HEATR5B: variants seen among roughly 807,000 people sequenced by gnomAD.
The protein encoded by HEATR5B is HEAT repeat-containing protein 5B.
Under a neutral mutation model 224.1 loss-of-function variants are expected in HEATR5B, and 156 were observed. That is an observed-to-expected ratio of 0.70 (90% CI 0.61 to 0.80). HEATR5B has a LOEUF of 0.80. HEATR5B is among the 30% of genes least tolerant of loss of function. The pLI is 0.00. For synonymous variants in HEATR5B, 1,027 were observed against 893.0 expected (o/e 1.15, Z -2.68); for missense variants, 2,323 against 2,535.5 (o/e 0.92, Z 1.80).
intron 18 of HEATR5B, among the ~76,000 whole-genome samples, chr2:37,042,643 G>C (rs1328658698): frequency 2.0e-5 from 3 of 152,180 alleles, no homozygotes; most frequent in Non-Finnish European, 4.4e-5. Context: ...TGTAATCCCA[G>C]CATTTTGGGA....
At chr2:37,006,853 T>A (rs578159972) in intron 29 of HEATR5B, among the ~76,000 whole-genome samples, 197 bp downstream of exon 29, 1 of 152,332 alleles carries the variant, frequency 6.6e-6, no homozygotes, top group East Asian at 1.9e-4. Flanking sequence ...GACAGTTAAG[T>A]AGTTTCAGTA....
At chr2:37,008,485 C>G (rs1348647997) in intron 28 of HEATR5B, 126 bp downstream of exon 28, 3 of 701,046 alleles carry the variant, frequency 4.3e-6, no homozygotes, top group Non-Finnish European at 7.5e-6. Context: ...GAGACAACAT[C>G]AAACTTAAGC....
chr2:37,059,404 ATATGTGTGTG>A (rs1204016826), intron 12 of HEATR5B, among the ~76,000 whole-genome samples: 3 of 106,976 alleles, frequency 2.8e-5, no homozygotes, highest in African/African-American at 1.0e-4. Context: ...ATATATATGT[ATATGTGTGTG>A]TGTGTGTGTG....
chr2:37,024,473 A>C (rs939354669), intron 24 of HEATR5B, among the ~76,000 whole-genome samples: 3 of 152,250 alleles, frequency 2.0e-5, no homozygotes, highest in Non-Finnish European at 4.4e-5. Flanking sequence ...ATGTATGCAT[A>C]CTTCAAAACA....
At chr2:37,049,957 C>A (rs1670435250) in intron 17 of HEATR5B, 114 bp from the exon 18 acceptor site, 2 of 985,520 alleles carry the variant, frequency 2.0e-6, no homozygotes, top group Non-Finnish European at 2.8e-6. Context: ...ATGGCACAAT[C>A]ACTGCTCACT....
intron 9 of HEATR5B, 83 bp from the exon 10 acceptor site, chr2:37,065,073 C>T (rs1182903959): frequency 7.2e-7 from 1 of 1,381,840 alleles, no homozygotes; most frequent in Non-Finnish European, 1.0e-6. Context: ...AAAACAATAA[C>T]TGAAATGACA....
intron 18 of HEATR5B, among the ~76,000 whole-genome samples, chr2:37,041,849 A>G (rs1352788657): frequency 7.9e-5 from 12 of 151,624 alleles, no homozygotes; most frequent in Non-Finnish European, 1.5e-5. Flanking sequence ...CTCATTTTTA[A>G]TATTAATTAT....
rs1417909829 is a variant in HEATR5B, at chr2:37,013,922, A to T, written c.4203T>A (p.Ala1401=). 3.1e-6 allele frequency: 5 copies of T among 1,613,332 alleles called. No individual in the cohort carries two copies. In the South Asian group the frequency reaches 5.5e-5, roughly 18 times the overall value. ...ACAGCTGGCTGGAAGATCCTTTTCC[A>T]GCCTGAACTTTGTCCAGAGAAGAAA... ...LLVSSLDKVQ[A]GKGSSSQLYR... The change falls in exon 27 of 36, where the codon GCT becomes GCA. Residue 1401 remains alanine, a synonymous_variant. Coordinates refer to ENST00000233099, the MANE Select transcript of HEATR5B (RefSeq NM_019024.3).
chr2:37,008,609 A>C lies in HEATR5B; in HGVS notation c.4522+2T>G. 6.3e-7 allele frequency: 1 copy of C among 1,596,640 alleles called. No individual in the cohort carries two copies. Among genetic ancestry groups the C allele is most frequent in the Non-Finnish European group, 8.6e-7 (1 of 1,164,080 alleles). On this transcript the variant is annotated splice_donor_variant, in intron 28 of 35. Coordinates refer to ENST00000233099, the MANE Select transcript of HEATR5B (RefSeq NM_019024.3). LOFTEE classifies it high-confidence loss of function. ...AAGTAAAACTCAGAATGTAATACTC[A>C]CCATCTGGAGGAAGCTGACTAGAAA...
At chr2:37,041,107 TA>T in intron 19 of HEATR5B, 25 bp downstream of exon 19, 1 of 1,578,634 alleles carries the variant, frequency 6.3e-7, no homozygotes, top group Non-Finnish European at 8.6e-7. Flanking sequence ...TAAACTTTTG[TA>T]ATAAAAAAAC....
At chr2:37,065,590 C>T (rs537846494) in intron 9 of HEATR5B, among the ~76,000 whole-genome samples, 165 bp downstream of exon 9, 7 of 152,180 alleles carry the variant, frequency 4.6e-5, no homozygotes, top group South Asian at 2.1e-4. Context: ...ATTATAGGCA[C>T]GAGCCACCAC....
At chr2:37,031,434 C>CTTTTTTTT (rs35877706) in intron 22 of HEATR5B, among the ~76,000 whole-genome samples, 1 of 126,004 alleles carries the variant, frequency 7.9e-6, no homozygotes. Flanking sequence ...TCTTTTCTTT[C>CTTTTTTTT]TTTTTTTTTT....
At chr2:37,023,980 C>G (rs552181289) in intron 24 of HEATR5B, among the ~76,000 whole-genome samples, 1 of 152,130 alleles carries the variant, frequency 6.6e-6, no homozygotes, top group South Asian at 2.1e-4. Flanking sequence ...TACTGCAGGA[C>G]TATTCACAAT....
intron 26 of HEATR5B, among the ~76,000 whole-genome samples, chr2:37,014,464 T>C (rs1418924700): frequency 6.6e-6 from 1 of 151,900 alleles, no homozygotes. Context: ...GCCCAGCCAG[T>C]ATTATTTTTT....
chr2:37,043,255 T>G (rs1669987511), intron 18 of HEATR5B, among the ~76,000 whole-genome samples: 1 of 152,156 alleles, frequency 6.6e-6, no homozygotes, highest in African/African-American at 2.4e-5. Flanking sequence ...GCTTTAACAG[T>G]ATGAACCTGA....
At chr2:37,000,079 T>C (rs1020705370) in intron 33 of HEATR5B, among the ~76,000 whole-genome samples, 25 of 151,576 alleles carry the variant, frequency 1.6e-4, no homozygotes, top group Non-Finnish European at 3.1e-4. Flanking sequence ...TATATATATA[T>C]TTTTTTTGAG....
chr2:37,060,274 T>C (rs1671199562), intron 12 of HEATR5B, among the ~76,000 whole-genome samples: 1 of 152,186 alleles, frequency 6.6e-6, no homozygotes, highest in Non-Finnish European at 1.5e-5. Context: ...TTTTTCTTTT[T>C]TTTATACATG....
intron 35 of HEATR5B, among the ~76,000 whole-genome samples, chr2:36,984,218 AT>A (rs1665790806): frequency 1.0e-4 from 10 of 97,270 alleles, no homozygotes; most frequent in South Asian, 7.2e-4. Context: ...AAAAAAAAAT[AT>A]ATATATATAT....
At chr2:37,014,493 G>C (rs530841732) in intron 26 of HEATR5B, among the ~76,000 whole-genome samples, 36 of 152,022 alleles carry the variant, frequency 2.4e-4, no homozygotes, top group Admixed American at 2.3e-3. Context: ...GGTAAGCATA[G>C]ATTTTATTGT....
Sources: gnomAD v4.1 joint callset for allele counts (sites outside exome capture counted in the v4.1 genomes callset) on GRCh38, gnomAD v4.1.1 for gene constraint, MANE v1.5 for transcripts, NCBI Gene and HGNC (gene_info 2026-07-23, HGNC 2026-07-21) for gene names.